The following ULK4 variants were observed in gnomAD, a reference collection of about 807,000 sequenced individuals.
The protein encoded by ULK4 is inactive serine/threonine-protein kinase ULK4.
A neutral mutation model predicts 160.6 loss-of-function variants in ULK4; 133 were observed. The observed-to-expected ratio is 0.83, with a 90% confidence interval of 0.72 to 0.96. The LOEUF (loss-of-function observed/expected upper bound fraction) is 0.96. Ranked by LOEUF, ULK4 falls within the 40% of genes least tolerant of loss-of-function variation. ULK4 has a pLI of 0.00. For missense variants in ULK4, 1,580 were observed against 1,499.5 expected, an observed-to-expected ratio of 1.05 and a Z score of -0.89; for synonymous variants, 534 against 539.8, an observed-to-expected ratio of 0.99 and a Z score of 0.15.
chr3:41,438,923 A>G (rs73828028), intron 34 of ULK4, among the ~76,000 whole-genome samples: 2,211 of 152,000 alleles, frequency 0.015, 49 homozygotes, highest in African/African-American at 0.051. Flanking sequence ...AATTCATTCC[A>G]TATGGTTAGC....
intron 35 of ULK4, among the ~76,000 whole-genome samples, chr3:41,347,505 C>T (rs1453712797): frequency 6.6e-6 from 1 of 152,130 alleles, no homozygotes; most frequent in Non-Finnish European, 1.5e-5. Flanking sequence ...TCTTCCTCCT[C>T]TTCCCTTTCA....
At chr3:41,648,306 G>A (rs1026928571) in intron 30 of ULK4, among the ~76,000 whole-genome samples, 3 of 152,184 alleles carry the variant, frequency 2.0e-5, no homozygotes, top group Non-Finnish European at 2.9e-5. Flanking sequence ...GCTGGGAGCT[G>A]TAGACCGGAG....
At chr3:41,405,797 T>C (rs1171180573) in intron 34 of ULK4, among the ~76,000 whole-genome samples, 1 of 150,724 alleles carries the variant, frequency 6.6e-6, no homozygotes, top group African/African-American at 2.5e-5. Context: ...TCAAGTCTTC[T>C]GCCCATTTTT....
intron 30 of ULK4, among the ~76,000 whole-genome samples, chr3:41,637,652 T>G (rs889970125): frequency 6.6e-6 from 1 of 152,194 alleles, no homozygotes; most frequent in African/African-American, 2.4e-5. Flanking sequence ...TTTCCATTCC[T>G]GTCAACAATG....
intron 31 of ULK4, among the ~76,000 whole-genome samples, chr3:41,577,462 T>C (rs539568543): frequency 4.6e-5 from 7 of 152,342 alleles, no homozygotes; most frequent in Middle Eastern, 6.8e-3. Context: ...ACCTCAAGCA[T>C]GTATCCTTTG....
rs1310342464 is a variant in ULK4, at chr3:41,517,187, C to T, written c.3226+48838G>A. On this transcript the variant is annotated intron_variant, in intron 32 of 36. Coordinates refer to ENST00000301831, the MANE Select transcript of ULK4 (RefSeq NM_017886.4). ...GAATGAGATACCACCATACACCCAT[C>T]AGAATGACTAAAATCCAACACACTG... Among the ~76,000 whole-genome samples, 5 of 151,656 alleles carry T rather than the reference C, an allele frequency of 3.3e-5. No individual in the cohort carries two copies. In the East Asian group the frequency reaches 7.7e-4, roughly 23 times the overall value.
At chr3:41,660,324 AATATTTATTC>A (rs1575540665) in intron 30 of ULK4, among the ~76,000 whole-genome samples, 1 of 152,148 alleles carries the variant, frequency 6.6e-6, no homozygotes, top group East Asian at 1.9e-4. Flanking sequence ...GAAAAGAAAA[AATATTTATTC>A]ACATTAGCTT....
At chr3:41,841,373 TCTGCCCGG>T (rs1376935433) in intron 17 of ULK4, among the ~76,000 whole-genome samples, 7 of 148,986 alleles carry the variant, frequency 4.7e-5, no homozygotes, top group Non-Finnish European at 1.5e-5. Context: ...GAGGAGCGCC[TCTGCCCGG>T]CTGCCCTTCG....
chr3:41,786,188 C>T (rs990047390), intron 21 of ULK4, among the ~76,000 whole-genome samples: 2 of 152,128 alleles, frequency 1.3e-5, no homozygotes, highest in Non-Finnish European at 2.9e-5. Flanking sequence ...ATTATCAGCC[C>T]CTCCTGTTAG....
At chr3:41,681,099 T>A (rs2035908142) in intron 29 of ULK4, among the ~76,000 whole-genome samples, 1 of 152,186 alleles carries the variant, frequency 6.6e-6, no homozygotes, top group African/African-American at 2.4e-5. Flanking sequence ...CTAAGTTCTA[T>A]TCCAAGAGTT....
intron 32 of ULK4, among the ~76,000 whole-genome samples, chr3:41,521,573 G>A (rs2085933268): frequency 6.6e-6 from 1 of 152,062 alleles, no homozygotes; most frequent in Admixed American, 6.5e-5. Flanking sequence ...ATTTGGGTTG[G>A]TAAAGTTGAA....
At chr3:41,840,081 A>G (rs182144120) in intron 17 of ULK4, among the ~76,000 whole-genome samples, 1 of 152,294 alleles carries the variant, frequency 6.6e-6, no homozygotes, top group Admixed American at 6.5e-5. Flanking sequence ...AATTATTATA[A>G]AAGTTATATG....
intron 17 of ULK4, among the ~76,000 whole-genome samples, chr3:41,860,730 A>G (rs144284015): frequency 0.026 from 3,991 of 152,202 alleles, 121 homozygotes; most frequent in Non-Finnish European, 0.033. Flanking sequence ...GTTATTATTG[A>G]TAAGTAAGGA....
intron 18 of ULK4, among the ~76,000 whole-genome samples, chr3:41,824,500 A>G (rs2041271136): frequency 6.6e-6 from 1 of 152,290 alleles, no homozygotes; most frequent in East Asian, 1.9e-4. Context: ...CTTAGCAAAC[A>G]GCACACCAGG....
intron 35 of ULK4, among the ~76,000 whole-genome samples, chr3:41,280,231 T>C (rs540088260): frequency 6.6e-5 from 10 of 152,294 alleles, no homozygotes; most frequent in South Asian, 6.2e-4. Flanking sequence ...TACCACATTG[T>C]CAATATTAGA....
chr3:41,821,614 C>G (rs2041148895), intron 18 of ULK4, among the ~76,000 whole-genome samples: 1 of 152,180 alleles, frequency 6.6e-6, no homozygotes, highest in African/African-American at 2.4e-5. Flanking sequence ...TGGACTATCC[C>G]TTATTGCTCC....
In ULK4 at chr3:41,770,908, T is replaced by C. The variant is rs79933224; in HGVS notation, c.2194-16420A>G. ...TATTAAGTTACTTTTGAAAGGTGAA[T>C]TTCTAAAGAAGCCTTTTTATTTTTA... On this transcript the variant is annotated intron_variant, in intron 21 of 36. Coordinates refer to ENST00000301831, the MANE Select transcript of ULK4 (RefSeq NM_017886.4). Among the ~76,000 whole-genome samples, 6 of 152,324 alleles carry C rather than the reference T, an allele frequency of 3.9e-5. No individual in the cohort carries two copies. The East Asian group carries it at 1.2e-3, about 29-fold the overall frequency.
At chr3:41,944,625 T>G (rs1418658582) in intron 2 of ULK4, among the ~76,000 whole-genome samples, 1 of 152,128 alleles carries the variant, frequency 6.6e-6, no homozygotes, top group African/African-American at 2.4e-5. Flanking sequence ...TTTATTTTTG[T>G]AGAGATAGGG....
At chr3:41,347,674 C>T (rs1033643209) in intron 35 of ULK4, among the ~76,000 whole-genome samples, 2 of 152,160 alleles carry the variant, frequency 1.3e-5, no homozygotes, top group Non-Finnish European at 2.9e-5. Flanking sequence ...GCAAACTCAT[C>T]TCGGATACCA....
Sources: allele counts gnomAD v4.1 joint callset (sites outside exome capture counted in the v4.1 genomes callset), GRCh38; gene constraint gnomAD v4.1.1; transcripts MANE v1.5; gene names NCBI Gene and HGNC (gene_info 2026-07-23, HGNC 2026-07-21).